The following RHD variants were observed in gnomAD, a reference collection of about 807,000 sequenced individuals.
RHD encodes Rh blood group D antigen, also known as blood group Rh(D) polypeptide.
RHD carries 16 observed loss-of-function variants against 45.5 expected under a neutral mutation model. The observed-to-expected ratio is 0.35, with a 90% CI of 0.24 to 0.53. The LOEUF is 0.53. Ranked by LOEUF, RHD falls within the 20% of genes least tolerant of loss-of-function variation. The pLI is 0.92. For missense variants in RHD, 306 were observed against 532.0 expected (o/e 0.58, Z 4.18); for synonymous variants, 131 against 217.5 (o/e 0.60, Z 3.50).
At chr1:25,291,610 T>C (rs1230446556) in intron 3 of RHD, among the ~76,000 whole-genome samples, 1 of 132,482 alleles carries the variant, frequency 7.5e-6, no homozygotes, top group East Asian at 1.9e-4. Flanking sequence ...TCCTGTAGGA[T>C]TGTGCTATTC....
rs1644205835 is a variant in RHD at position 25,312,609 on chromosome 1, G to T, written c.1074-4391G>T. On this transcript the variant is annotated intron_variant, in intron 7 of 9. Coordinates refer to ENST00000328664, the MANE Select transcript of RHD (RefSeq NM_016124.6). ...AAATAAAAATAAAAAAATTAGCCAG[G>T]TATTGTGGCATATACCTGTAATTCT... 2.3e-5 allele frequency among the ~76,000 whole-genome samples: 3 copies of T among 129,192 alleles called. 1 individual carries two copies. The highest frequency in any genetic ancestry group is 7.9e-5 in the African/African-American group (3 of 38,022). The allele number at this position is 129,192 out of a possible 152,430, so 84.8% of individuals were successfully genotyped here.
intron 1 of RHD, among the ~76,000 whole-genome samples, chr1:25,276,532 T>TAAAAAAAAA (rs557746335): frequency 6.2e-5 from 4 of 64,784 alleles, no homozygotes; most frequent in African/African-American, 2.9e-4. Flanking sequence ...CCCCCATCTC[T>TAAAAAAAAA]AAAAAAAAAA....
At chr1:25,273,010 C>G (rs1640624094) in intron 1 of RHD, among the ~76,000 whole-genome samples, 1 of 132,578 alleles carries the variant, frequency 7.5e-6, no homozygotes, top group East Asian at 1.9e-4. Context: ...TTCCCCTTCT[C>G]TCTCCTCAGT....
intron 7 of RHD, among the ~76,000 whole-genome samples, chr1:25,315,077 G>C (rs572076257): frequency 7.8e-6 from 1 of 128,402 alleles, no homozygotes; most frequent in Admixed American, 7.6e-5. Flanking sequence ...TGTGGCTCTT[G>C]CCTGTAGTCT....
Position 25,293,919 on chromosome 1 carries a change from TAAG to T in RHD, c.486+3132_486+3134del, listed in dbSNP as rs1008702098. Among the ~76,000 whole-genome samples, 38 of 132,040 alleles carry T rather than the reference TAAG, an allele frequency of 2.9e-4. 8 individuals are homozygous for T. Among genetic ancestry groups the T allele is most frequent in the African/African-American group, 8.6e-4 (33 of 38,422 alleles). 86.6% of individuals were successfully genotyped at this position (132,040 alleles called of 152,430 possible). ...ATGTTTAGTTATATTGTGAGTCTTA[TAAG>T]AAGCTGGGAGGCAACCCCATTAACT... On this transcript the variant is annotated intron_variant, in intron 3 of 9. Coordinates refer to ENST00000328664, the MANE Select transcript of RHD (RefSeq NM_016124.6).
rs1252934538 is a variant in RHD, at chr1:25,307,737, C to G, written c.1073+1008C>G. 8 of 1,307,140 alleles carry G rather than the reference C, an allele frequency of 6.1e-6. 2 individuals carry two copies. In the South Asian group the frequency reaches 8.9e-5, roughly 15 times the overall value. The allele number at this position is 1,307,140 out of a possible 1,614,324, so 81.0% of individuals were successfully genotyped here. A position where few individuals can be genotyped will look rare whatever the true frequency, so the allele number is the denominator to read the frequency against. On this transcript the variant is annotated intron_variant, in intron 7 of 9. Coordinates refer to ENST00000328664, the MANE Select transcript of RHD (RefSeq NM_016124.6). ...ACGTGTCTCAGAGAAATCATGGAGG[C>G]GCTGCGGTTCCTACCGGTTCTTGGA... is the stretch of plus-strand genomic sequence containing the variant.
intron 7 of RHD, among the ~76,000 whole-genome samples, chr1:25,310,839 G>A (rs1362434991): frequency 7.6e-6 from 1 of 131,714 alleles, no homozygotes; most frequent in East Asian, 2.0e-4. Context: ...TGGGCGTGGT[G>A]GCGCACACCT....
intron 3 of RHD, among the ~76,000 whole-genome samples, chr1:25,293,001 G>T (rs1642642832): frequency 1.6e-5 from 2 of 127,574 alleles, no homozygotes; most frequent in Admixed American, 1.5e-4. Context: ...TGGGCTGAAT[G>T]CTGCTGAGAG....
At position 25,312,678 on chromosome 1, in the gene RHD, A is replaced by C. The variant is rs991991363; in HGVS notation, c.1074-4322A>C. On this transcript the variant is annotated intron_variant, in intron 7 of 9. Coordinates refer to ENST00000328664, the MANE Select transcript of RHD (RefSeq NM_016124.6). ...GGTGAGAGGATCACTTGAGCCCAGG[A>C]GTTTGAGGCTGCAGTGAGCTATGGT... is the stretch of plus-strand genomic sequence containing the variant. Among the ~76,000 whole-genome samples, 2 of 127,820 alleles carry C rather than the reference A, an allele frequency of 1.6e-5. 1 individual carries two copies. Among genetic ancestry groups the C allele is most frequent in the African/African-American group, 5.3e-5 (2 of 37,812 alleles). 83.9% of individuals were successfully genotyped at this position (127,820 alleles called of 152,430 possible).
At position 25,320,124 on chromosome 1, in the gene RHD, C is replaced by A. The variant is rs1202559105; in HGVS notation, c.1154-1765C>A. Reference sequence around the variant, plus strand: ...TGTTGGTCATGCTGGTCTCGAACTCCTGACCTCAGGTGATCCGCCCACCTT... The same window carrying A: ...TGTTGGTCATGCTGGTCTCGAACTCATGACCTCAGGTGATCCGCCCACCTT... On this transcript the variant is annotated intron_variant, in intron 8 of 9. Transcript: ENST00000328664. Among the ~76,000 whole-genome samples the A allele has an allele frequency of 4.6e-5, 6 of 131,308 alleles. 2 individuals are homozygous for A. Among genetic ancestry groups the A allele is most frequent in the Non-Finnish European group, 3.6e-5 (2 of 55,504 alleles). 86.1% of individuals were successfully genotyped at this position (131,308 alleles called of 152,430 possible). A position where few individuals can be genotyped will look rare whatever the true frequency, so the allele number is the denominator to read the frequency against.
intron 8 of RHD, 87 bp from the exon 9 acceptor site, chr1:25,321,802 C>G: frequency 4.2e-6 from 3 of 707,110 alleles, no homozygotes; most frequent in South Asian, 3.1e-5. Context: ...GAGATACTGT[C>G]GTTTTGACAC....
rs1442097683 is a variant in RHD at position 25,311,735 on chromosome 1, T to C, written c.1073+5006T>C. On this transcript the variant is annotated intron_variant, in intron 7 of 9. Coordinates refer to ENST00000328664, the MANE Select transcript of RHD (RefSeq NM_016124.6). ...GCCTTGGGTCTCTGCTCCCCACATT[T>C]CTGGTGCAGCATTCCTCAGCCATCC... is the stretch of plus-strand genomic sequence containing the variant. Among the ~76,000 whole-genome samples the C allele has an allele frequency of 3.8e-4, 49 of 129,812 alleles. 12 individuals are homozygous for C. The highest frequency in any genetic ancestry group is 1.6e-3 in the Admixed American group (22 of 13,474). The allele number at this position is 129,812 out of a possible 152,430, so 85.2% of individuals were successfully genotyped here.
At chr1:25,319,388 G>A (rs1174766515) in intron 8 of RHD, among the ~76,000 whole-genome samples, 1 of 132,258 alleles carries the variant, frequency 7.6e-6, no homozygotes, top group Non-Finnish European at 1.8e-5. Flanking sequence ...AGCTGAGGTG[G>A]GAGAATAGCT....
chr1:25,286,418 A>T (rs1641995912), intron 2 of RHD, among the ~76,000 whole-genome samples: 1 of 133,696 alleles, frequency 7.5e-6, no homozygotes, highest in Admixed American at 7.2e-5. Context: ...GAACCCAGTG[A>T]GGTTGAGGCT....
intron 7 of RHD, among the ~76,000 whole-genome samples, chr1:25,312,983 A>G (rs1484393037): frequency 8.7e-6 from 1 of 114,538 alleles, no homozygotes; most frequent in Non-Finnish European, 2.0e-5. Context: ...TGAATTTTGC[A>G]TGTAAGAAGG....
At chr1:25,302,862 G>C (rs1643494732) in intron 5 of RHD, among the ~76,000 whole-genome samples, 1 of 131,370 alleles carries the variant, frequency 7.6e-6, no homozygotes, top group African/African-American at 2.6e-5. Flanking sequence ...CATTCTTCTA[G>C]GCCAGGTGCA....
chr1:25,277,882 G>C lies in RHD; in HGVS notation c.148+5187G>C, dbSNP rs71652364. Among the ~76,000 whole-genome samples, 34 of 132,438 alleles carry C rather than the reference G, an allele frequency of 2.6e-4. 7 individuals carry two copies. The highest frequency in any genetic ancestry group is 4.4e-4 in the Admixed American group (6 of 13,688). The allele number at this position is 132,438 out of a possible 152,430, so 86.9% of individuals were successfully genotyped here. ...AGAGATGGGGTTTCTCCATGTTGGTGAGGCTGGTCTCGAACTCCCAACCTC... is the reference window on the plus strand; with the variant it reads ...AGAGATGGGGTTTCTCCATGTTGGTCAGGCTGGTCTCGAACTCCCAACCTC... On this transcript the variant is annotated intron_variant, in intron 1 of 9. Coordinates refer to ENST00000328664, the MANE Select transcript of RHD (RefSeq NM_016124.6).
chr1:25,276,202 T>C lies in RHD; in HGVS notation c.148+3507T>C, dbSNP rs1402142193. ...AAGCATGGTGGGTTGTTTTTGTTTT[T>C]GTTTTTTAAGTCTCCATCTGTTAGA... On this transcript the variant is annotated intron_variant, in intron 1 of 9. Transcript: ENST00000328664. Among the ~76,000 whole-genome samples the C allele has an allele frequency of 3.8e-5, 5 of 131,216 alleles. 1 individual carries two copies. Among genetic ancestry groups the C allele is most frequent in the Non-Finnish European group, 7.2e-5 (4 of 55,718 alleles). The allele number at this position is 131,216 out of a possible 152,430, so 86.1% of individuals were successfully genotyped here. A position where few individuals can be genotyped will look rare whatever the true frequency, so the allele number is the denominator to read the frequency against.
At position 25,303,056 on chromosome 1, in the gene RHD, T is replaced by C. The variant is rs1414770613; in HGVS notation, c.802-266T>C. Among the ~76,000 whole-genome samples the C allele has an allele frequency of 4.6e-5, 6 of 131,702 alleles. 2 individuals are homozygous for C. Among genetic ancestry groups the C allele is most frequent in the Non-Finnish European group, 1.1e-4 (6 of 55,584 alleles). The allele number at this position is 131,702 out of a possible 152,430, so 86.4% of individuals were successfully genotyped here. ...TGAGTGTGATGGGTGCCTAGGATGC[T>C]GAGCACCTGGACTTCCCAGCTCATT... On this transcript the variant is annotated intron_variant, in intron 5 of 9. Coordinates refer to ENST00000328664, the MANE Select transcript of RHD (RefSeq NM_016124.6).
Sources: allele counts gnomAD v4.1 joint callset (sites outside exome capture counted in the v4.1 genomes callset), GRCh38; gene constraint gnomAD v4.1.1; transcripts MANE v1.5; gene names NCBI Gene and HGNC (gene_info 2026-07-23, HGNC 2026-07-21).